The following PIK3CG variants were observed in gnomAD, a reference collection of about 807,000 sequenced individuals.
PIK3CG encodes the protein phosphatidylinositol-4,5-bisphosphate 3-kinase catalytic subunit gamma.
A neutral mutation model predicts 102.3 loss-of-function variants in PIK3CG; 55 were observed. The ratio of observed to expected loss-of-function variants is 0.54; its 90% CI spans 0.43 to 0.67. PIK3CG has a LOEUF of 0.67. Ranked by LOEUF, PIK3CG falls within the 30% of genes least tolerant of loss-of-function variation. PIK3CG has a pLI of 0.00. For missense variants in PIK3CG, 1,258 were observed against 1,391.8 expected (o/e 0.90, Z 1.53); for synonymous variants, 552 against 540.0 (o/e 1.02, Z -0.31).
intron 6 of PIK3CG, 93 bp from the exon 7 acceptor site, chr7:106,882,024 G>T: frequency 2.4e-6 from 1 of 424,142 alleles, no homozygotes; most frequent in East Asian, 3.9e-5. Context: ...TATATTTTGT[G>T]TTACTAGATA....
At chr7:106,896,770 C>T (rs1043131233) in intron 10 of PIK3CG, among the ~76,000 whole-genome samples, 2 of 152,116 alleles carry the variant, frequency 1.3e-5, no homozygotes, top group African/African-American at 4.8e-5. Context: ...TATGTACCGG[C>T]CTCCATGCTG....
rs1790243830 is a variant in PIK3CG at position 106,865,404 on chromosome 7, C to T, written c.-35C>T. The T allele has an allele frequency of 6.6e-6, 1 of 152,224 alleles. No individual in the cohort carries two copies. The highest frequency in any genetic ancestry group is 1.5e-5 in the Non-Finnish European group (1 of 68,048). The allele number at this position is 152,224 out of a possible 1,614,324, so 9.4% of individuals were successfully genotyped here. On this transcript the variant is annotated 5_prime_UTR_variant, in exon 1 of 11. Transcript: ENST00000496166. The stretch of plus-strand genomic sequence containing the variant: ...AATTAAACAAATGATCCTTCAGCAT[C>T]ATCGCCTCCGCTGCTTTATCAGGTA...
intron 7 of PIK3CG, chr7:106,882,696 A>C (rs1462032789): frequency 4.8e-6 from 1 of 208,354 alleles, no homozygotes; most frequent in Non-Finnish European, 9.5e-6. Flanking sequence ...ATTTACATTT[A>C]ACCCTGTAAT....
Position 106,903,355 on chromosome 7 carries a change from A to G in PIK3CG, c.3031-1754A>G, listed in dbSNP as rs1055397722. Among the ~76,000 whole-genome samples the G allele has an allele frequency of 4.6e-5, 7 of 152,142 alleles. No homozygotes were observed. The highest frequency in any genetic ancestry group is 8.8e-5 in the Non-Finnish European group (6 of 68,002). On this transcript the variant is annotated intron_variant, in intron 10 of 10. Coordinates refer to ENST00000496166, the MANE Select transcript of PIK3CG (RefSeq NM_001282426.2). The surrounding 1 kb of genome is among the most constrained non-coding windows in gnomAD (Gnocchi z 4.3). ...CAATAAGAATTTGTATTGAAATTTTATGTTTATAGATTAATCTAAGAATAA... is the reference window on the plus strand; with the variant it reads ...CAATAAGAATTTGTATTGAAATTTTGTGTTTATAGATTAATCTAAGAATAA...
intron 6 of PIK3CG, 43 bp from the exon 7 acceptor site, chr7:106,882,074 T>A: frequency 1.2e-6 from 1 of 820,642 alleles, no homozygotes; most frequent in Non-Finnish European, 1.7e-6. Context: ...TATATTAAGT[T>A]AATATATATA....
intron 5 of PIK3CG, among the ~76,000 whole-genome samples, chr7:106,876,717 A>G (rs1169683610): frequency 6.6e-6 from 1 of 152,022 alleles, no homozygotes; most frequent in African/African-American, 2.4e-5. Context: ...TTTAGTTATG[A>G]GAGTTACTTA....
rs748314557 is a variant in PIK3CG at position 106,867,747 on chromosome 7, C to T, written c.186C>T (p.Ala62=). The T allele has an allele frequency of 8.7e-6, 14 of 1,612,882 alleles. No homozygotes were observed. The highest frequency in any genetic ancestry group is 4.5e-5 in the East Asian group (2 of 44,868). ...CCGAAACGGCGCTGCTGCACGTGGC[C>T]GGCCACGGCAACGTGGAGCAGATGA... ...KSPETALLHV[A]GHGNVEQMKA... Residue 62 remains alanine, a synonymous_variant, in exon 2 of 11, where the codon GCC becomes GCT. Transcript: ENST00000496166. The surrounding 1 kb of genome is among the most constrained non-coding windows in gnomAD (Gnocchi z 5.1).
At chr7:106,876,814 G>C (rs968471161) in intron 5 of PIK3CG, among the ~76,000 whole-genome samples, 17 of 152,026 alleles carry the variant, frequency 1.1e-4, no homozygotes, top group African/African-American at 4.1e-4. Context: ...TTTTCTTAGA[G>C]GTGTCTTTCA....
intron 10 of PIK3CG, among the ~76,000 whole-genome samples, chr7:106,896,252 G>C (rs1791404973): frequency 6.6e-6 from 1 of 152,138 alleles, no homozygotes; most frequent in South Asian, 2.1e-4. Flanking sequence ...CCAGTGGATT[G>C]GTGTTATAAT....
At chr7:106,889,930 A>G (rs1471011248) in intron 10 of PIK3CG, among the ~76,000 whole-genome samples, 1 of 152,254 alleles carries the variant, frequency 6.6e-6, no homozygotes, top group African/African-American at 2.4e-5. Context: ...GCAGCATCCT[A>G]CAAACAGGTG....
rs1791258273 is a variant in PIK3CG, at chr7:106,891,348, A to T, written c.3030+5056A>T. ...AGGCAGGTTAACATGCGTACATTGGATGAGGAACTAAATCCAACTGTGAAA... is the reference window on the plus strand; with the variant it reads ...AGGCAGGTTAACATGCGTACATTGGTTGAGGAACTAAATCCAACTGTGAAA... On this transcript the variant is annotated intron_variant, in intron 10 of 10. Coordinates refer to ENST00000496166, the MANE Select transcript of PIK3CG (RefSeq NM_001282426.2). This position sits in a 1 kb window ranked among gnomAD's most constrained non-coding sequence, Gnocchi z 4.4. Among the ~76,000 whole-genome samples, 1 of 152,244 alleles carries T rather than the reference A, an allele frequency of 6.6e-6. No homozygotes were observed. The highest frequency in any genetic ancestry group is 6.5e-5 in the Admixed American group (1 of 15,286).
rs1055979136 is a variant in PIK3CG at position 106,895,175 on chromosome 7, A to AT, written c.3030+8888dup. 3.1e-4 allele frequency among the ~76,000 whole-genome samples: 47 copies of AT among 152,318 alleles called. No individual in the cohort carries two copies. Among genetic ancestry groups the AT allele is most frequent in the African/African-American group, 1.1e-3 (47 of 41,570 alleles). Reference sequence around the variant, plus strand: ...CATTAAACCAAGTCCTCGAAGTCAGATTTTTCCCTTACTCTTCTTCTCTCA... The same window carrying AT: ...CATTAAACCAAGTCCTCGAAGTCAGATTTTTTCCCTTACTCTTCTTCTCTCA... On this transcript the variant is annotated intron_variant, in intron 10 of 10. Coordinates refer to ENST00000496166, the MANE Select transcript of PIK3CG (RefSeq NM_001282426.2). This position sits in a 1 kb window ranked among gnomAD's most constrained non-coding sequence, Gnocchi z 5.4.
At chr7:106,875,909 G>GTTTTT (rs559463107) in intron 5 of PIK3CG, among the ~76,000 whole-genome samples, 11 of 123,072 alleles carry the variant, frequency 8.9e-5, no homozygotes, top group Non-Finnish European at 1.3e-4. Context: ...TTTTTTTTTT[G>GTTTTT]TTTTTTTTTT....
rs2116414364 is a variant in PIK3CG, at chr7:106,867,502, G to A, written c.-12-48G>A. ...CCCTCATCTCACCAGAAAATATAAGGGGAAAGTGCCTTTCTTGTGACAAAT... is the reference window on the plus strand; with the variant it reads ...CCCTCATCTCACCAGAAAATATAAGAGGAAAGTGCCTTTCTTGTGACAAAT... On this transcript the variant is annotated intron_variant, in intron 1 of 10. Coordinates refer to ENST00000496166, the MANE Select transcript of PIK3CG (RefSeq NM_001282426.2). This position sits in a 1 kb window ranked among gnomAD's most constrained non-coding sequence, Gnocchi z 5.1. 6.7e-7 allele frequency: 1 copy of A among 1,484,378 alleles called. No individual in the cohort carries two copies. The highest frequency in any genetic ancestry group is 1.4e-5 in the South Asian group (1 of 73,808). 92.0% of individuals were successfully genotyped at this position (1,484,378 alleles called of 1,614,324 possible). A position where few individuals can be genotyped will look rare whatever the true frequency, so the allele number is the denominator to read the frequency against.
chr7:106,893,893 C>G lies in PIK3CG; in HGVS notation c.3030+7601C>G, dbSNP rs1470100576. Among the ~76,000 whole-genome samples, 1 of 152,172 alleles carries G rather than the reference C, an allele frequency of 6.6e-6. No individual in the cohort carries two copies. The highest frequency in any genetic ancestry group is 1.5e-5 in the Non-Finnish European group (1 of 68,030). On this transcript the variant is annotated intron_variant, in intron 10 of 10. Coordinates refer to ENST00000496166, the MANE Select transcript of PIK3CG (RefSeq NM_001282426.2). This position sits in a 1 kb window ranked among gnomAD's most constrained non-coding sequence, Gnocchi z 4.4. ...TGATATAGCCTATTGCTCCCAGGCT[C>G]CAAACCTGTACAGCATGTTACTTAC... is the stretch of plus-strand genomic sequence containing the variant.
rs1790861653 is a variant in PIK3CG at position 106,879,269 on chromosome 7, A to G, written c.2392-250A>G. On this transcript the variant is annotated intron_variant, in intron 5 of 10. Coordinates refer to ENST00000496166, the MANE Select transcript of PIK3CG (RefSeq NM_001282426.2). This position sits in a 1 kb window ranked among gnomAD's most constrained non-coding sequence, Gnocchi z 4.9. ...TCTGCCATACCTCTTAGGCACTTCC[A>G]AAGACTCTTGTGGTTCTTTGGAGCA... Among the ~76,000 whole-genome samples the G allele has an allele frequency of 6.6e-6, 1 of 152,200 alleles. No individual in the cohort carries two copies. The highest frequency in any genetic ancestry group is 1.5e-5 in the Non-Finnish European group (1 of 68,042).
chr7:106,876,100 G>A (rs1790726997), intron 5 of PIK3CG, among the ~76,000 whole-genome samples: 1 of 149,244 alleles, frequency 6.7e-6, no homozygotes, highest in South Asian at 2.1e-4. Context: ...ATTTTTAGTA[G>A]AGACGGGGTT....
In PIK3CG at chr7:106,905,302, G is replaced by T. The variant is rs1481147112; in HGVS notation, c.3224G>T (p.Cys1075Phe). ...TATTTTCTTGATCAGATCGAAGTTT[G>T]CAGAGACAAAGGATGGACTGTGCAG... ...KKYFLDQIEV[C>F]RDKGWTVQFN... Residue 1075 changes from cysteine (C) to phenylalanine (F), a missense_variant, in exon 11 of 11, where the codon TGC (cysteine) becomes TTC (phenylalanine). Transcript: ENST00000496166. This position sits in a 1 kb window ranked among gnomAD's most constrained non-coding sequence, Gnocchi z 5.6. 6.2e-7 allele frequency: 1 copy of T among 1,613,970 alleles called. No homozygotes were observed. The highest frequency in any genetic ancestry group is 8.5e-7 in the Non-Finnish European group (1 of 1,179,978).
At position 106,899,726 on chromosome 7, in the gene PIK3CG, T is replaced by G. The variant is rs11773880; in HGVS notation, c.3031-5383T>G. Among the ~76,000 whole-genome samples, 33,615 of 152,102 alleles carry G rather than the reference T, an allele frequency of 0.22. 4,213 individuals are homozygous for G. Among genetic ancestry groups the G allele is most frequent in the East Asian group, 0.33 (1,697 of 5,168 alleles). ...GGGGATGAAACCTACTTGATCATGG[T>G]GGATTAGCTTTTTGATGTGCTGCTG... On this transcript the variant is annotated intron_variant, in intron 10 of 10. Coordinates refer to ENST00000496166, the MANE Select transcript of PIK3CG (RefSeq NM_001282426.2). This position sits in a 1 kb window ranked among gnomAD's most constrained non-coding sequence, Gnocchi z 4.6.
Sources: gnomAD v4.1 joint callset for allele counts (sites outside exome capture counted in the v4.1 genomes callset) on GRCh38, gnomAD v4.1.1 for gene constraint, Gnocchi (gnomAD v3.1) non-coding constraint, MANE v1.5 for transcripts, NCBI Gene and HGNC (gene_info 2026-07-23, HGNC 2026-07-21) for gene names.